The following ACOT11 variants were observed in gnomAD, a reference collection of about 807,000 sequenced individuals.
The protein encoded by ACOT11 is acyl-CoA thioesterase 11.
In ACOT11, 69 loss-of-function variants were observed where a neutral mutation model predicts 77.5. The ratio of observed to expected loss-of-function variants is 0.89; its 90% CI spans 0.73 to 1.09. The LOEUF is 1.09. ACOT11 is among the 50% of genes least tolerant of loss of function. ACOT11 has a pLI of 0.00. For synonymous variants in ACOT11, 279 were observed against 313.0 expected, an observed-to-expected ratio of 0.89 and a Z score of 1.15; for missense variants, 766 against 813.7, an observed-to-expected ratio of 0.94 and a Z score of 0.71.
At chr1:54,606,312 G>C (rs1372955947) in intron 13 of ACOT11, among the ~76,000 whole-genome samples, 1 of 152,206 alleles carries the variant, frequency 6.6e-6, no homozygotes, top group African/African-American at 2.4e-5. Flanking sequence ...CTTGATACTT[G>C]ATGGGATTTG....
chr1:54,557,301 A>C (rs941863470), intron 1 of ACOT11, among the ~76,000 whole-genome samples: 1 of 149,506 alleles, frequency 6.7e-6, no homozygotes, highest in East Asian at 2.0e-4. Flanking sequence ...CTGAGGCAGG[A>C]GAATTGCTTG....
rs1359385574 is a variant in ACOT11, at chr1:54,601,166, T to G, written c.885-103T>G. 11 of 1,390,178 alleles carry G rather than the reference T, an allele frequency of 7.9e-6. No homozygotes were observed. The East Asian group carries it at 2.3e-4, about 29-fold the overall frequency. The allele number at this position is 1,390,178 out of a possible 1,614,324, so 86.1% of individuals were successfully genotyped here. ...GTGTGTGTGTGTGCATGCATGTGTG[T>G]GGGCGCATGTGTGCATGTGTGTGTG... On this transcript the variant is annotated intron_variant, in intron 8 of 15. Transcript: ENST00000343744.
At chr1:54,601,987 C>G (rs1034860938) in intron 9 of ACOT11, among the ~76,000 whole-genome samples, 1 of 152,260 alleles carries the variant, frequency 6.6e-6, no homozygotes, top group Non-Finnish European at 1.5e-5. Flanking sequence ...AGAGGCCGCT[C>G]CCTCCCTTGG....
downstream of ACOT11, chr1:54,615,009 T>A (rs1232064732): frequency 5.3e-6 from 4 of 751,968 alleles, no homozygotes; most frequent in Non-Finnish European, 8.5e-6. Context: ...ACCACATCCC[T>A]GCAGGGTGTG....
chr1:54,552,473 CTT>C (rs1408337090), intron 1 of ACOT11, among the ~76,000 whole-genome samples: 1 of 152,072 alleles, frequency 6.6e-6, no homozygotes, highest in African/African-American at 2.4e-5. Flanking sequence ...GGCAGACACT[CTT>C]AGTGTTTTTT....
intron 2 of ACOT11, among the ~76,000 whole-genome samples, chr1:54,585,589 C>A (rs1042852058): frequency 6.6e-6 from 1 of 152,218 alleles, no homozygotes; most frequent in Non-Finnish European, 1.5e-5. Flanking sequence ...GGCAAAAATC[C>A]TTGTCCTCAA....
chr1:54,597,466 C>T (rs377457947), intron 7 of ACOT11, 51 bp downstream of exon 7: 14 of 1,533,840 alleles, frequency 9.1e-6, no homozygotes, highest in East Asian at 2.4e-5. Flanking sequence ...CCTCCTCCTC[C>T]CCTTGGCTAC....
downstream of ACOT11, chr1:54,610,504 A>G: frequency 1.2e-6 from 2 of 1,613,482 alleles, no homozygotes; most frequent in South Asian, 1.1e-5. Context: ...CAGCTGGAGA[A>G]GAGGGATCAG....
Position 54,623,129 on chromosome 1 carries a change from A to G in ACOT11, c.1630-7605A>G. On this transcript the variant is annotated intron_variant, in intron 15 of 16. Transcript: ENST00000371316. ...AGGCGGAGGTTGCAGTGAGCCGAGA[A>G]TCGTGCCATTGTACTCCAGCCTGGG... The G allele has an allele frequency of 5.1e-6, 3 of 584,528 alleles. No homozygotes were observed. The South Asian group carries it at 6.3e-5, about 12-fold the overall frequency. 36.2% of individuals were successfully genotyped at this position (584,528 alleles called of 1,614,324 possible). A position where few individuals can be genotyped will look rare whatever the true frequency, so the allele number is the denominator to read the frequency against.
At chr1:54,608,172 C>T in intron 15 of ACOT11, 104 bp downstream of exon 15, 1 of 1,149,924 alleles carries the variant, frequency 8.7e-7, no homozygotes, top group Middle Eastern at 3.0e-4. Context: ...AGAGCTGGCC[C>T]CCCAGCAGGC....
chr1:54,623,656 T>C (rs1263244661), intron 15 of ACOT11: 5 of 383,154 alleles, frequency 1.3e-5, no homozygotes, highest in Non-Finnish European at 2.3e-5. Flanking sequence ...TAAAATGACC[T>C]TTGAGCACAG....
Position 54,588,861 on chromosome 1 carries a change from G to A in ACOT11, c.311+2957G>A, listed in dbSNP as rs1465436406. ...AAGGGAAAGCCAGAGAGGATGCCGG[G>A]AAGGAGGACAAGCTGGGGAGGGGCC... On this transcript the variant is annotated intron_variant, in intron 3 of 15. Transcript: ENST00000343744. Among the ~76,000 whole-genome samples, 4 of 152,162 alleles carry A rather than the reference G, an allele frequency of 2.6e-5. 1 individual carries two copies. The East Asian group carries it at 7.7e-4, about 29-fold the overall frequency.
rs1332667819 is a variant in ACOT11 at position 54,607,614 on chromosome 1, A to T, written c.1503-328A>T. Reference sequence around the variant, plus strand: ...CCTGTGTGGGCTGGAGGGCCTAAACATCTCTTTTGCTGGAGAGACAGGGAC... The same window carrying T: ...CCTGTGTGGGCTGGAGGGCCTAAACTTCTCTTTTGCTGGAGAGACAGGGAC... On this transcript the variant is annotated intron_variant, in intron 14 of 15. Transcript: ENST00000343744. This position sits in a 1 kb window ranked among gnomAD's most constrained non-coding sequence, Gnocchi z 4.5. 6.6e-6 allele frequency among the ~76,000 whole-genome samples: 1 copy of T among 151,816 alleles called. No homozygotes were observed. Among genetic ancestry groups the T allele is most frequent in the South Asian group, 2.1e-4 (1 of 4,816 alleles).
intron 15 of ACOT11, among the ~76,000 whole-genome samples, chr1:54,625,971 A>G (rs1240893012): frequency 7.0e-6 from 1 of 142,238 alleles, no homozygotes; most frequent in African/African-American, 2.5e-5. Context: ...AGAAAAAAAG[A>G]AAAGAAAAGG....
At chr1:54,614,983 G>A, downstream of ACOT11, 2 of 951,446 alleles carry the variant, frequency 2.1e-6, no homozygotes, top group African/African-American at 3.3e-5. Flanking sequence ...AGTCAGGGGA[G>A]GGCGGAAGGA....
chr1:54,577,485 T>C (rs1437001882), intron 1 of ACOT11, among the ~76,000 whole-genome samples: 1 of 151,806 alleles, frequency 6.6e-6, no homozygotes, highest in Non-Finnish European at 1.5e-5. Flanking sequence ...TATGTCTGAA[T>C]AACCATTCAT....
intron 1 of ACOT11, among the ~76,000 whole-genome samples, chr1:54,579,778 AC>A (rs376235919): frequency 6.6e-6 from 1 of 152,276 alleles, no homozygotes; most frequent in African/African-American, 2.4e-5. Flanking sequence ...GCAGTTTTGC[AC>A]CCTGGGTTTG....
At chr1:54,556,614 C>G (rs1653267487) in intron 1 of ACOT11, among the ~76,000 whole-genome samples, 1 of 151,428 alleles carries the variant, frequency 6.6e-6, no homozygotes, top group Admixed American at 6.6e-5. Context: ...CAGAGTCTCA[C>G]TGTGTAGCCC....
downstream of ACOT11, chr1:54,614,652 T>C: frequency 6.4e-7 from 1 of 1,566,154 alleles, no homozygotes; most frequent in Non-Finnish European, 8.7e-7. Context: ...TGGTAGGTGT[T>C]GACAGAAGAG....
Sources: gnomAD v4.1 joint callset for allele counts (sites outside exome capture counted in the v4.1 genomes callset) on GRCh38, gnomAD v4.1.1 for gene constraint, Gnocchi (gnomAD v3.1) non-coding constraint, MANE v1.5 for transcripts, NCBI Gene and HGNC (gene_info 2026-07-23, HGNC 2026-07-21) for gene names.